ADCY7: variants seen among roughly 807,000 people sequenced by gnomAD.
ADCY7 encodes adenylate cyclase type 7.
A neutral mutation model predicts 120.6 loss-of-function variants in ADCY7; 72 were observed. The ratio of observed to expected loss-of-function variants is 0.60; its 90% CI spans 0.49 to 0.73. The LOEUF (loss-of-function observed/expected upper bound fraction) is 0.73, where lower values mean the gene tolerates loss of function less well. Ranked by LOEUF, ADCY7 falls within the 30% of genes least tolerant of loss-of-function variation. The pLI is 0.00. For synonymous variants in ADCY7, 661 were observed against 628.0 expected (o/e 1.05, Z -0.78); for missense variants, 1,227 against 1,486.0 (o/e 0.83, Z 2.87).
rs199767447 is a variant in ADCY7 at position 50,313,084 on chromosome 16, A to G, written c.2751+48A>G. The G allele has an allele frequency of 6.8e-6, 11 of 1,608,708 alleles. No individual in the cohort carries two copies. In the Admixed American group the frequency reaches 1.5e-4, roughly 22 times the overall value. On this transcript the variant is annotated intron_variant, in intron 22 of 25. Transcript: ENST00000673801. Reference sequence around the variant, plus strand: ...GCGCAGCAGCCCCCACCCATGCTGGAGAGGGAAGGGCGGTGGCACCTGCCA... The same window carrying G: ...GCGCAGCAGCCCCCACCCATGCTGGGGAGGGAAGGGCGGTGGCACCTGCCA...
chr16:50,283,601 T>C (rs1405111094), intron 1 of ADCY7, among the ~76,000 whole-genome samples: 1 of 152,178 alleles, frequency 6.6e-6, no homozygotes, highest in Non-Finnish European at 1.5e-5. Flanking sequence ...TGAAATACCC[T>C]CCTCCCATGT....
chr16:50,300,616 C>T, intron 8 of ADCY7, 99 bp from the exon 9 acceptor site: 1 of 1,417,980 alleles, frequency 7.1e-7, no homozygotes, highest in Admixed American at 2.1e-5. Context: ...AGCGCCTGCC[C>T]TGTTCCCACA....
Position 50,290,613 on chromosome 16 carries a change from G to A in ADCY7, c.328G>A (p.Val110Met), listed in dbSNP as rs1445650315. ...TWACLVALGY[V>M]LVFDAWTKAA... The stretch of plus-strand genomic sequence containing the variant: ...GGCCTGCTTGGTGGCGCTGGGCTAT[G>A]TGCTGGTGTTCGACGCATGGACAAA... Residue 110 changes from valine (V) to methionine (M), a missense_variant, in exon 3 of 26, where the codon GTG (valine) becomes ATG (methionine). Val to Met is a conservative substitution (Grantham distance 21). This residue lies in a region of ADCY7 where 382 missense variants were observed against 411.4 expected (regional missense o/e 0.93). Coordinates refer to ENST00000673801, the MANE Select transcript of ADCY7 (RefSeq NM_001114.5). 6.2e-7 allele frequency: 1 copy of A among 1,614,136 alleles called. No homozygotes were observed. Among genetic ancestry groups the A allele is most frequent in the South Asian group, 1.1e-5 (1 of 91,072 alleles).
intron 2 of ADCY7, 102 bp from the exon 3 acceptor site, chr16:50,290,355 G>A (rs529854408): frequency 2.0e-4 from 264 of 1,290,586 alleles, no homozygotes; most frequent in Non-Finnish European, 2.7e-4. Flanking sequence ...CCCTTCACGT[G>A]GAGGAAGCTG....
intron 4 of ADCY7, 150 bp downstream of exon 4, chr16:50,292,047 C>T: frequency 1.1e-6 from 1 of 939,148 alleles, no homozygotes; most frequent in East Asian, 2.7e-5. Flanking sequence ...TCCACGTCTG[C>T]TCGGAAGCTG....
chr16:50,279,881 GAACA>G (rs1345919505), intron 1 of ADCY7, among the ~76,000 whole-genome samples: 1 of 152,170 alleles, frequency 6.6e-6, no homozygotes, highest in Non-Finnish European at 1.5e-5. Flanking sequence ...AGGATTTCAG[GAACA>G]AAGAACACTT....
At chr16:50,258,746 C>T (rs1257528281) in intron 1 of ADCY7, among the ~76,000 whole-genome samples, 5 of 152,058 alleles carry the variant, frequency 3.3e-5, no homozygotes, top group African/African-American at 1.2e-4. Context: ...GTGCCCACCA[C>T]CAGCTCAGGC....
upstream of ADCY7, chr16:50,246,016 C>G (rs1414531383): frequency 1.3e-5 from 2 of 150,854 alleles, no homozygotes; most frequent in African/African-American, 4.8e-5. Flanking sequence ...GTGGACGCGG[C>G]CTCCTGGGCG....
upstream of ADCY7, among the ~76,000 whole-genome samples, chr16:50,244,850 G>T (rs1180005557): frequency 2.0e-5 from 3 of 152,198 alleles, no homozygotes; most frequent in East Asian, 5.8e-4. Flanking sequence ...AGAGCCAAAT[G>T]CCACCATGCT....
At chr16:50,284,733 G>C (rs2034477283) in intron 1 of ADCY7, among the ~76,000 whole-genome samples, 1 of 152,240 alleles carries the variant, frequency 6.6e-6, no homozygotes, top group Admixed American at 6.5e-5. Context: ...GCCCTGGTTT[G>C]GGAGCTGGCA....
At chr16:50,274,463 G>A (rs2033756805) in intron 1 of ADCY7, among the ~76,000 whole-genome samples, 1 of 151,890 alleles carries the variant, frequency 6.6e-6, no homozygotes, top group Non-Finnish European at 1.5e-5. Flanking sequence ...GAGGCTGGGT[G>A]GGGCTGCTTC....
intron 20 of ADCY7, 74 bp from the exon 21 acceptor site, chr16:50,311,962 C>G: frequency 1.3e-6 from 2 of 1,592,408 alleles, no homozygotes; most frequent in Non-Finnish European, 8.6e-7. Context: ...ACAGACAGAC[C>G]TGGCTAGGAG....
intron 19 of ADCY7, 89 bp downstream of exon 19, chr16:50,310,969 T>C (rs1173737834): frequency 1.5e-6 from 2 of 1,332,502 alleles, no homozygotes; most frequent in African/African-American, 2.9e-5. Context: ...TCTGTGTTCA[T>C]GGGGAGTGGG....
chr16:50,310,352 C>A, intron 18 of ADCY7: 1 of 1,009,224 alleles, frequency 9.9e-7, no homozygotes, highest in Non-Finnish European at 1.5e-6. Context: ...TTGAGCAGGG[C>A]AGAGGTCCTT....
At chr16:50,308,993 TTG>T in intron 17 of ADCY7, 1 of 556,020 alleles carries the variant, frequency 1.8e-6, no homozygotes. Flanking sequence ...CCCAGAGAGC[TTG>T]TGTGGCCAGC....
At chr16:50,278,556 A>G (rs181012891) in intron 1 of ADCY7, among the ~76,000 whole-genome samples, 2 of 152,150 alleles carry the variant, frequency 1.3e-5, no homozygotes, top group African/African-American at 2.4e-5. Context: ...TACCATGTAT[A>G]TTTTGTTTTT....
intron 21 of ADCY7, 107 bp from the exon 22 acceptor site, chr16:50,312,783 A>AAGCTG: frequency 4.7e-6 from 4 of 842,796 alleles, no homozygotes; most frequent in Non-Finnish European, 6.8e-6. Context: ...CACTCCCCGA[A>AAGCTG]AGCTGGGCTG....
intron 1 of ADCY7, among the ~76,000 whole-genome samples, chr16:50,260,170 T>A (rs2033023288): frequency 6.6e-6 from 1 of 152,214 alleles, no homozygotes. Context: ...TGCACTGTGT[T>A]ATTGTTGGGA....
At chr16:50,313,558 C>CA (rs751461699) in intron 22 of ADCY7, 90 of 209,338 alleles carry the variant, frequency 4.3e-4, no homozygotes, top group South Asian at 7.5e-4. Flanking sequence ...CTGTGATGGG[C>CA]AGCTTGCTAA....
Sources: gnomAD v4.1 joint callset for allele counts (sites outside exome capture counted in the v4.1 genomes callset) on GRCh38, gnomAD v4.1.1 for gene constraint, gnomAD v4.1.1 regional missense constraint, MANE v1.5 for transcripts, NCBI Gene and HGNC (gene_info 2026-07-23, HGNC 2026-07-21) for gene names.